SPON1: variants seen among roughly 807,000 people sequenced by gnomAD.
SPON1 encodes the protein spondin-1.
In SPON1, 52 loss-of-function variants were observed where a neutral mutation model predicts 111.7. The observed-to-expected ratio is 0.47, with a 90% CI of 0.37 to 0.59. SPON1 has a LOEUF of 0.59. Among genes scored for constraint, SPON1 ranks in the 20% least tolerant of loss-of-function variants. The pLI, the probability that SPON1 is intolerant of heterozygous loss-of-function variation, is 0.00. For synonymous variants in SPON1, 410 were observed against 395.8 expected (o/e 1.04, Z -0.43); for missense variants, 957 against 1,068.5 (o/e 0.90, Z 1.46).
intron 3 of SPON1, among the ~76,000 whole-genome samples, chr11:14,060,890 C>T (rs752309097): frequency 3.3e-5 from 5 of 151,718 alleles, no homozygotes; most frequent in Non-Finnish European, 5.9e-5. Context: ...GTAGATACAA[C>T]GGTGAACAAG....
chr11:14,010,655 ATG>A (rs1411007755), intron 2 of SPON1, among the ~76,000 whole-genome samples: 1 of 152,228 alleles, frequency 6.6e-6, no homozygotes, highest in Non-Finnish European at 1.5e-5. Context: ...ACCACTCTCA[ATG>A]TGACTTCACT....
At chr11:14,121,646 AAG>A (rs1847390345) in intron 5 of SPON1, among the ~76,000 whole-genome samples, 1 of 152,164 alleles carries the variant, frequency 6.6e-6, no homozygotes, top group African/African-American at 2.4e-5. Context: ...TTCAGTGAAG[AAG>A]AGATTAAAGG....
intron 3 of SPON1, among the ~76,000 whole-genome samples, chr11:14,049,601 GTAGCACT>G (rs1848693750): frequency 6.6e-6 from 1 of 151,988 alleles, no homozygotes; most frequent in Non-Finnish European, 1.5e-5. Flanking sequence ...CATTCCTTTG[GTAGCACT>G]TACTGAACAC....
rs1847922004 is a variant in SPON1, at chr11:14,160,737, T to TA, written c.825+25169_825+25170insA. Among the ~76,000 whole-genome samples the TA allele has an allele frequency of 7.5e-4, 4 of 5,346 alleles. No individual in the cohort carries two copies. The South Asian group carries it at 0.023, about 30-fold the overall frequency. 3.5% of individuals were successfully genotyped at this position (5,346 alleles called of 152,430 possible). A position where few individuals can be genotyped will look rare whatever the true frequency, so the allele number is the denominator to read the frequency against. ...TATATATTTATATATTTATATATAT[T>TA]TAATTTATATATATTTATATATATT... On this transcript the variant is annotated intron_variant, in intron 6 of 15. Coordinates refer to ENST00000576479, the MANE Select transcript of SPON1 (RefSeq NM_006108.4).
At position 14,228,803 on chromosome 11, in the gene SPON1, T is replaced by G. The variant is rs1848766348; in HGVS notation, c.826-14529T>G. On this transcript the variant is annotated intron_variant, in intron 6 of 15. Coordinates refer to ENST00000576479, the MANE Select transcript of SPON1 (RefSeq NM_006108.4). This position sits in a 1 kb window ranked among gnomAD's most constrained non-coding sequence, Gnocchi z 4.2. The stretch of plus-strand genomic sequence containing the variant: ...AGTTGTATAGGGCAACCGTGAGATG[T>G]GAAAACAAATGCATCCCAGCCACTG... 6.6e-6 allele frequency among the ~76,000 whole-genome samples: 1 copy of G among 152,176 alleles called. No homozygotes were observed. The highest frequency in any genetic ancestry group is 1.5e-5 in the Non-Finnish European group (1 of 68,032).
intron 5 of SPON1, among the ~76,000 whole-genome samples, chr11:14,103,279 A>G (rs1243201673): frequency 6.6e-6 from 1 of 152,226 alleles, no homozygotes; most frequent in Admixed American, 6.5e-5. Flanking sequence ...CAGCCCTGCA[A>G]GTCTGGAAAC....
intron 6 of SPON1, among the ~76,000 whole-genome samples, chr11:14,178,741 C>T (rs1848207313): frequency 6.6e-6 from 1 of 152,192 alleles, no homozygotes; most frequent in Admixed American, 6.5e-5. Flanking sequence ...CTACATGAAG[C>T]CCCCGGCCCT....
chr11:13,967,268 A>G (rs1591334828), intron 1 of SPON1, among the ~76,000 whole-genome samples: 2 of 152,354 alleles, frequency 1.3e-5, no homozygotes, highest in Admixed American at 6.5e-5. Context: ...AGCCTTCTGG[A>G]TGGTGAGCCT....
At position 14,099,238 on chromosome 11, in the gene SPON1, A is replaced by G. The variant is rs1454534758; in HGVS notation, c.676+19217A>G. ...ACTATAGAGTGCAGTAAGATCATTC[A>G]CTATTTCCTGGCTAAATTTACCCGT... is the stretch of plus-strand genomic sequence containing the variant. On this transcript the variant is annotated intron_variant, in intron 5 of 15. Coordinates refer to ENST00000576479, the MANE Select transcript of SPON1 (RefSeq NM_006108.4). 2.0e-5 allele frequency among the ~76,000 whole-genome samples: 3 copies of G among 152,182 alleles called. No individual in the cohort carries two copies. In the East Asian group the frequency reaches 5.8e-4, roughly 29 times the overall value.
intron 5 of SPON1, among the ~76,000 whole-genome samples, chr11:14,119,583 A>G (rs1849289970): frequency 1.3e-5 from 2 of 152,188 alleles, no homozygotes; most frequent in Admixed American, 6.5e-5. Context: ...GCAAGTGCTC[A>G]CTGCTGCCTG....
At chr11:14,000,850 A>C (rs1210120371) in intron 2 of SPON1, among the ~76,000 whole-genome samples, 2 of 151,708 alleles carry the variant, frequency 1.3e-5, no homozygotes, top group East Asian at 3.9e-4. Flanking sequence ...CAACATAGCC[A>C]CTCCACCCCT....
At chr11:14,091,256 C>T (rs1324054378) in intron 5 of SPON1, among the ~76,000 whole-genome samples, 4 of 152,242 alleles carry the variant, frequency 2.6e-5, no homozygotes, top group African/African-American at 9.6e-5. Flanking sequence ...AGGAGCCCAG[C>T]TGACTTCACC....
At chr11:14,164,503 C>T (rs1408871610) in intron 6 of SPON1, among the ~76,000 whole-genome samples, 2 of 152,132 alleles carry the variant, frequency 1.3e-5, no homozygotes, top group South Asian at 2.1e-4. Flanking sequence ...GGACTGTCCA[C>T]CTACAAACTT....
intron 3 of SPON1, among the ~76,000 whole-genome samples, chr11:14,056,147 CT>C (rs1177362025): frequency 6.6e-6 from 1 of 152,166 alleles, no homozygotes; most frequent in African/African-American, 2.4e-5. Context: ...CCTCAGGTGC[CT>C]CCCCCATAAC....
At chr11:14,128,678 G>A (rs1847491686) in intron 5 of SPON1, among the ~76,000 whole-genome samples, 1 of 152,208 alleles carries the variant, frequency 6.6e-6, no homozygotes. Flanking sequence ...ACTCTGTGTG[G>A]TGAGTCTTCA....
At chr11:14,023,399 G>A (rs549064915) in intron 2 of SPON1, among the ~76,000 whole-genome samples, 3 of 152,204 alleles carry the variant, frequency 2.0e-5, no homozygotes, top group Non-Finnish European at 4.4e-5. Flanking sequence ...AAAACTGACA[G>A]GCAGTCAAAG....
At chr11:14,206,337 G>T (rs1423418372) in intron 6 of SPON1, among the ~76,000 whole-genome samples, 4 of 152,064 alleles carry the variant, frequency 2.6e-5, no homozygotes, top group African/African-American at 2.4e-5. Context: ...GGGACTACAG[G>T]TGCACACTAC....
chr11:14,047,535 A>G (rs1554917949), intron 3 of SPON1, among the ~76,000 whole-genome samples: 1 of 152,206 alleles, frequency 6.6e-6, no homozygotes, highest in Non-Finnish European at 1.5e-5. Flanking sequence ...TATTTATGCA[A>G]AAGCTAGCAA....
intron 2 of SPON1, among the ~76,000 whole-genome samples, chr11:14,013,047 C>T (rs1157585981): frequency 6.6e-6 from 1 of 152,166 alleles, no homozygotes; most frequent in African/African-American, 2.4e-5. Context: ...CTAACGGCAA[C>T]CTCATCTTCT....
Sources: allele counts gnomAD v4.1 joint callset (sites outside exome capture counted in the v4.1 genomes callset), GRCh38; gene constraint gnomAD v4.1.1; non-coding constraint Gnocchi (gnomAD v3.1); transcripts MANE v1.5; gene names NCBI Gene and HGNC (gene_info 2026-07-23, HGNC 2026-07-21).